Variants in RAD51B observed in about 807,000 individuals in gnomAD.
RAD51B encodes the protein RAD51 paralog B.
Under a neutral mutation model 42.2 loss-of-function variants are expected in RAD51B, and 38 were observed. That is an observed-to-expected ratio of 0.90 (90% CI 0.70 to 1.18). The LOEUF (loss-of-function observed/expected upper bound fraction) is 1.18, where lower values mean the gene tolerates loss of function less well. RAD51B is among the 50% of genes most tolerant of loss of function. The probability of loss-of-function intolerance (pLI) is 0.00; values close to 1 mark genes in which losing one functional copy is unlikely to be tolerated. For synonymous variants in RAD51B, 154 were observed against 145.2 expected (o/e 1.06, Z -0.43); for missense variants, 373 against 400.7 (o/e 0.93, Z 0.59).
At chr14:68,409,929 C>T (rs1161678898) in intron 8 of RAD51B, among the ~76,000 whole-genome samples, 8 of 152,316 alleles carry the variant, frequency 5.3e-5, no homozygotes, top group South Asian at 4.1e-4. Context: ...ACTAAATTCT[C>T]TTTCAATCTG....
downstream of RAD51B, among the ~76,000 whole-genome samples, chr14:68,483,034 TG>T (rs1454883657): frequency 6.8e-6 from 1 of 147,958 alleles, no homozygotes; most frequent in Non-Finnish European, 1.5e-5. Context: ...GAAAGGTGGA[TG>T]GGGGAGAGAG....
chr14:68,035,273 C>T (rs2076103835), intron 7 of RAD51B, among the ~76,000 whole-genome samples: 1 of 152,138 alleles, frequency 6.6e-6, no homozygotes, highest in South Asian at 2.1e-4. Context: ...TTACAGTGTT[C>T]AAAAATGAGT....
At chr14:68,229,527 A>G (rs2080106618) in intron 7 of RAD51B, among the ~76,000 whole-genome samples, 2 of 152,334 alleles carry the variant, frequency 1.3e-5, no homozygotes, top group Middle Eastern at 6.8e-3. Flanking sequence ...TCAATGTCTT[A>G]TATGTTGTAG....
In RAD51B at chr14:68,458,349, T is replaced by A. The variant is rs76008461; in HGVS notation, c.958-9823T>A. ...CACTTTTGTTTTATGTTTGAAAAGG[T>A]TCATAATAAAATGTTGAGGAAAAAA... is the stretch of plus-strand genomic sequence containing the variant. On this transcript the variant is annotated intron_variant, in intron 9 of 10. Coordinates refer to ENST00000471583, the MANE Select transcript of RAD51B (RefSeq NM_133510.4). Among the ~76,000 whole-genome samples, 8 of 152,322 alleles carry A rather than the reference T, an allele frequency of 5.3e-5. No individual in the cohort carries two copies. In the East Asian group the frequency reaches 1.5e-3, roughly 29 times the overall value.
At chr14:68,439,942 A>G (rs2085245508) in intron 9 of RAD51B, among the ~76,000 whole-genome samples, 1 of 152,182 alleles carries the variant, frequency 6.6e-6, no homozygotes, top group Non-Finnish European at 1.5e-5. Context: ...TTCATGTCGT[A>G]GAAGAGTTGG....
intron 7 of RAD51B, among the ~76,000 whole-genome samples, chr14:68,172,913 G>A (rs937942991): frequency 1.3e-5 from 2 of 152,132 alleles, no homozygotes; most frequent in Non-Finnish European, 2.9e-5. Context: ...AATCTCCAAG[G>A]TCTCTTATTA....
intron 10 of RAD51B, among the ~76,000 whole-genome samples, chr14:68,645,980 C>T (rs934285395): frequency 3.8e-4 from 57 of 151,992 alleles, no homozygotes; most frequent in Admixed American, 3.5e-3. Context: ...TTGTTAGTGT[C>T]AGTACACTCA....
At chr14:67,921,321 C>T (rs1310253049) in intron 7 of RAD51B, among the ~76,000 whole-genome samples, 1 of 152,104 alleles carries the variant, frequency 6.6e-6, no homozygotes, top group East Asian at 1.9e-4. Context: ...GATCCTCCTG[C>T]CTCAGCCTCC....
In RAD51B at chr14:68,438,146, C is replaced by T. The variant is rs112296473; in HGVS notation, c.957+26619C>T. On this transcript the variant is annotated intron_variant, in intron 9 of 10. Transcript: ENST00000471583. ...TAAGGAACTTCCAGCAAGCCTGCGA[C>T]ATCAGATTTGTACCTTCCAAGTCTC... 2.5e-3 allele frequency among the ~76,000 whole-genome samples: 384 copies of T among 152,194 alleles called. 4 individuals are homozygous for T. In the Middle Eastern group the frequency reaches 0.027, roughly 11 times the overall value.
At chr14:68,654,899 C>G (rs1478150755) in intron 11 of RAD51B, among the ~76,000 whole-genome samples, 4 of 152,144 alleles carry the variant, frequency 2.6e-5, no homozygotes, top group African/African-American at 9.7e-5. Flanking sequence ...CAAGACAATC[C>G]CACTCCATTT....
intron 7 of RAD51B, among the ~76,000 whole-genome samples, chr14:68,056,968 A>C (rs573834101): frequency 6.6e-6 from 1 of 151,512 alleles, no homozygotes; most frequent in Non-Finnish European, 1.5e-5. Flanking sequence ...AGATGCCTAT[A>C]ATCCCAGCTA....
chr14:68,611,840 T>C (rs1891691744), downstream of RAD51B, among the ~76,000 whole-genome samples: 1 of 152,114 alleles, frequency 6.6e-6, no homozygotes, highest in African/African-American at 2.4e-5. Flanking sequence ...TCCAGTCTCC[T>C]TGCTTCCAGT....
intron 7 of RAD51B, among the ~76,000 whole-genome samples, chr14:68,162,649 G>A (rs1211797242): frequency 6.6e-6 from 1 of 152,140 alleles, no homozygotes; most frequent in Admixed American, 6.5e-5. Context: ...GCCGGGTGTG[G>A]TGGCGGGCGC....
intron 7 of RAD51B, among the ~76,000 whole-genome samples, chr14:68,099,144 C>T (rs867586684): frequency 6.6e-6 from 1 of 152,162 alleles, no homozygotes; most frequent in Non-Finnish European, 1.5e-5. Flanking sequence ...TTGTTCTCCC[C>T]AGCTGCTAAT....
At chr14:68,145,753 T>A (rs1045109081) in intron 7 of RAD51B, among the ~76,000 whole-genome samples, 1 of 152,344 alleles carries the variant, frequency 6.6e-6, no homozygotes, top group South Asian at 2.1e-4. Context: ...CCTCTGTACT[T>A]AGCTGCAGTG....
intron 9 of RAD51B, among the ~76,000 whole-genome samples, chr14:68,456,848 TTC>T (rs2085699789): frequency 7.6e-6 from 1 of 131,524 alleles, no homozygotes; most frequent in African/African-American, 2.6e-5. Context: ...TCATACAAAC[TTC>T]TCCAATCACA....
chr14:68,561,778 G>A (rs1432554024), intron 10 of RAD51B, among the ~76,000 whole-genome samples: 1 of 152,226 alleles, frequency 6.6e-6, no homozygotes, highest in African/African-American at 2.4e-5. Context: ...CTTCAGCTTT[G>A]TCCTCAAAGG....
intron 7 of RAD51B, among the ~76,000 whole-genome samples, chr14:68,246,268 T>C (rs184120682): frequency 9.9e-5 from 15 of 151,786 alleles, no homozygotes; most frequent in African/African-American, 3.6e-4. Context: ...ATTAGATCTG[T>C]CTCTGTGGCC....
At chr14:68,455,608 T>C (rs2085664223) in intron 9 of RAD51B, among the ~76,000 whole-genome samples, 1 of 152,034 alleles carries the variant, frequency 6.6e-6, no homozygotes, top group South Asian at 2.1e-4. Flanking sequence ...TAGTCCCAGC[T>C]ACTCGGGAGG....
Sources: gnomAD v4.1 joint callset for allele counts (sites outside exome capture counted in the v4.1 genomes callset) on GRCh38, gnomAD v4.1.1 for gene constraint, MANE v1.5 for transcripts, NCBI Gene and HGNC (gene_info 2026-07-23, HGNC 2026-07-21) for gene names.